HDAC4: variants seen among roughly 807,000 people sequenced by gnomAD.
HDAC4 encodes histone deacetylase 4.
In HDAC4, 16 loss-of-function variants were observed where a neutral mutation model predicts 135.1. The observed-to-expected ratio is 0.12, with a 90% CI of 0.08 to 0.18. HDAC4 has a LOEUF of 0.18. Among genes scored for constraint, HDAC4 ranks in the 10% least tolerant of loss-of-function variants. The pLI, the probability that HDAC4 is intolerant of heterozygous loss-of-function variation, is 1.00. For missense variants in HDAC4, 1,143 were observed against 1,511.8 expected (o/e 0.76, Z 4.05); for synonymous variants, 685 against 653.4 (o/e 1.05, Z -0.74).
intron 6 of HDAC4, chr2:239,162,200 C>G (rs549910595): frequency 2.2e-6 from 1 of 456,628 alleles, no homozygotes; most frequent in Non-Finnish European, 4.4e-6. Flanking sequence ...AAGGGCTGCC[C>G]GTGCTTGCCC....
Position 239,134,343 on chromosome 2 carries a change from G to T in HDAC4, c.1196C>A (p.Thr399Asn). The T allele has an allele frequency of 6.2e-7, 1 of 1,614,016 alleles. No individual in the cohort carries two copies. Among genetic ancestry groups the T allele is most frequent in the South Asian group, 1.1e-5 (1 of 91,080 alleles). The part of the protein sequence containing the change: ...PGTHLTPYLS[T>N]SPLERDGGAA... ...CCCTCCGTCCCGCTCCAAGGGCGAG[G>T]TGCTCAGGTAGGGAGTGAGGTGGGT... Residue 399 changes from threonine to asparagine, a missense_variant, in exon 11 of 27, where the codon ACC becomes AAC. Physicochemically the swap from Thr to Asn is moderately conservative, Grantham distance 65. Around this residue, in one of 9 missense-constraint regions of HDAC4, gnomAD observed 272 missense variants for 309.7 expected, o/e 0.88. Coordinates refer to ENST00000543185, the MANE Select transcript of HDAC4 (RefSeq NM_001378414.1).
At chr2:239,341,632 TCAA>T (rs1692303636) in intron 2 of HDAC4, among the ~76,000 whole-genome samples, 1 of 152,146 alleles carries the variant, frequency 6.6e-6, no homozygotes, top group African/African-American at 2.4e-5. Flanking sequence ...CCCTACTGAA[TCAA>T]CAAGTCACTG....
At chr2:239,292,147 C>T (rs537832261) in intron 2 of HDAC4, among the ~76,000 whole-genome samples, 8 of 152,320 alleles carry the variant, frequency 5.3e-5, no homozygotes, top group Admixed American at 1.3e-4. Flanking sequence ...GGCAAGGGGA[C>T]GGCCAGGATG....
At chr2:239,260,052 G>A (rs1559295808) in intron 2 of HDAC4, among the ~76,000 whole-genome samples, 1 of 152,254 alleles carries the variant, frequency 6.6e-6, no homozygotes, top group Non-Finnish European at 1.5e-5. Flanking sequence ...CCCCAACGCT[G>A]TGATTGATTT....
intron 1 of HDAC4, among the ~76,000 whole-genome samples, chr2:239,393,085 C>T (rs1348436527): frequency 1.3e-5 from 2 of 152,182 alleles, no homozygotes; most frequent in East Asian, 1.9e-4. Flanking sequence ...CTTCTGGATG[C>T]GGCCCGTCTC....
In HDAC4 at chr2:239,050,825, T is replaced by C. The variant is rs1055176168; in HGVS notation, c.*2272A>G. 2.0e-5 allele frequency: 3 copies of C among 152,492 alleles called. No individual in the cohort carries two copies. Among genetic ancestry groups the C allele is most frequent in the Admixed American group, 6.5e-5 (1 of 15,280 alleles). 9.4% of individuals were successfully genotyped at this position (152,492 alleles called of 1,614,324 possible). A position where few individuals can be genotyped will look rare whatever the true frequency, so the allele number is the denominator to read the frequency against. The stretch of plus-strand genomic sequence containing the variant: ...AGTAAAACGTGACTGTCAGTTACTG[T>C]TGAAGAGAAAAAGAGTAAAGACTGG... On this transcript the variant is annotated 3_prime_UTR_variant, in exon 27 of 27. Coordinates refer to ENST00000543185, the MANE Select transcript of HDAC4 (RefSeq NM_001378414.1).
At chr2:239,367,726 C>T (rs1024250252) in intron 1 of HDAC4, among the ~76,000 whole-genome samples, 4 of 152,124 alleles carry the variant, frequency 2.6e-5, no homozygotes, top group African/African-American at 9.7e-5. Flanking sequence ...TGTGGTGGCT[C>T]ACACTAATCT....
intron 22 of HDAC4, among the ~76,000 whole-genome samples, chr2:239,078,266 G>C (rs2034962653): frequency 6.6e-6 from 1 of 152,210 alleles, no homozygotes; most frequent in African/African-American, 2.4e-5. Flanking sequence ...TGAGGAGAAA[G>C]TGCCGGCTGC....
intron 5 of HDAC4, among the ~76,000 whole-genome samples, chr2:239,169,006 C>T (rs1559547408): frequency 2.0e-5 from 3 of 152,112 alleles, no homozygotes; most frequent in Non-Finnish European, 4.4e-5. Flanking sequence ...GGCTGGTAAA[C>T]GGATCCAAAA....
At chr2:239,190,174 C>CT in intron 3 of HDAC4, 97 bp from the exon 4 acceptor site, 3 of 1,070,346 alleles carry the variant, frequency 2.8e-6, no homozygotes, top group South Asian at 3.5e-5. Context: ...CTTCACGGGG[C>CT]GGGGGGGGGG....
At position 239,236,615 on chromosome 2, in the gene HDAC4, G is replaced by A. The variant is rs762109641; in HGVS notation, c.72C>T (p.Arg24=). The A allele has an allele frequency of 2.3e-5, 36 of 1,551,614 alleles. No individual in the cohort carries two copies. Among genetic ancestry groups the A allele is most frequent in the African/African-American group, 4.1e-5 (3 of 73,058 alleles). The stretch of plus-strand genomic sequence containing the variant: ...TACCCGTGCTGGGCATGTGGTTCAC[G>A]CGGGCAGGATTCAGCAGCTCCACTG... The part of the protein sequence containing the change: ...DQPVELLNPA[R]VNHMPSTVDV... Residue 24 remains arginine, a synonymous_variant, in exon 3 of 27, where the codon CGC becomes CGT. Transcript: ENST00000543185.
rs2106361252 is a variant in HDAC4 at position 239,050,536 on chromosome 2, CA to C, written c.*2560del. 6.5e-6 allele frequency: 1 copy of C among 152,718 alleles called. No individual in the cohort carries two copies. Among genetic ancestry groups the C allele is most frequent in the South Asian group, 2.1e-4 (1 of 4,832 alleles). 9.5% of individuals were successfully genotyped at this position (152,718 alleles called of 1,614,324 possible). A position where few individuals can be genotyped will look rare whatever the true frequency, so the allele number is the denominator to read the frequency against. On this transcript the variant is annotated 3_prime_UTR_variant, in exon 27 of 27. Transcript: ENST00000543185. ...AGGGAGGGGAAAGTCAAACAAGTCC[CA>C]AGACCGTTCTGCCTGCTCTCAAACC...
intron 2 of HDAC4, among the ~76,000 whole-genome samples, chr2:239,294,946 GA>G (rs902222227): frequency 2.0e-5 from 3 of 152,174 alleles, no homozygotes; most frequent in African/African-American, 7.2e-5. Context: ...ACGGCTTCGG[GA>G]CAACGCCCGT....
At chr2:239,241,851 G>A (rs1450750210) in intron 2 of HDAC4, among the ~76,000 whole-genome samples, 2 of 152,058 alleles carry the variant, frequency 1.3e-5, no homozygotes, top group African/African-American at 4.8e-5. Context: ...TCCCTTATAA[G>A]CCAAATCTCA....
At chr2:239,097,429 C>T (rs541418712) in intron 16 of HDAC4, among the ~76,000 whole-genome samples, 2 of 152,354 alleles carry the variant, frequency 1.3e-5, no homozygotes, top group African/African-American at 4.8e-5. Flanking sequence ...TGCCTGGAGT[C>T]GTGGCTCCTG....
intron 9 of HDAC4, among the ~76,000 whole-genome samples, chr2:239,137,507 A>G (rs1280166286): frequency 6.6e-6 from 1 of 152,014 alleles, no homozygotes; most frequent in Middle Eastern, 3.4e-3. Flanking sequence ...GTAGAGGAGG[A>G]GGTGCCCGGC....
At chr2:239,314,710 C>G (rs2053042037) in intron 2 of HDAC4, among the ~76,000 whole-genome samples, 1 of 152,078 alleles carries the variant, frequency 6.6e-6, no homozygotes, top group East Asian at 1.9e-4. Context: ...AAGAAATAAA[C>G]CAGGATGCAA....
intron 2 of HDAC4, among the ~76,000 whole-genome samples, chr2:239,295,499 G>A (rs2051829837): frequency 6.6e-6 from 1 of 152,086 alleles, no homozygotes; most frequent in African/African-American, 2.4e-5. Flanking sequence ...AGGAGTCAGA[G>A]ACTCTCTCCT....
intron 1 of HDAC4, among the ~76,000 whole-genome samples, chr2:239,383,364 T>C (rs1695555969): frequency 6.6e-6 from 1 of 151,970 alleles, no homozygotes; most frequent in East Asian, 1.9e-4. Context: ...TGTCTGTGAG[T>C]TCAGAATCTG....
Sources: gnomAD v4.1 joint callset for allele counts (sites outside exome capture counted in the v4.1 genomes callset) on GRCh38, gnomAD v4.1.1 for gene constraint, gnomAD v4.1.1 regional missense constraint, MANE v1.5 for transcripts, NCBI Gene and HGNC (gene_info 2026-07-23, HGNC 2026-07-21) for gene names.